The following KLC1 variants were observed in gnomAD, a reference collection of about 807,000 sequenced individuals.
KLC1 encodes kinesin 2 60/70kDa.
Under a neutral mutation model 84.2 loss-of-function variants are expected in KLC1, and 30 were observed. That is an observed-to-expected ratio of 0.36 (90% CI 0.27 to 0.48). The LOEUF (loss-of-function observed/expected upper bound fraction) is 0.48. KLC1 is among the 20% of genes least tolerant of loss of function. The pLI is 0.99. For synonymous variants in KLC1, 289 were observed against 293.3 expected, an observed-to-expected ratio of 0.99 and a Z score of 0.15; for missense variants, 499 against 805.4, an observed-to-expected ratio of 0.62 and a Z score of 4.60.
chr14:103,666,207 G>A (rs2079789909), intron 5 of KLC1, among the ~76,000 whole-genome samples: 1 of 152,116 alleles, frequency 6.6e-6, no homozygotes, highest in South Asian at 2.1e-4. Flanking sequence ...GGGACTACAG[G>A]CGCCTGCCAC....
chr14:103,694,217 C>T lies in KLC1; in HGVS notation c.1848+1792C>T. 1 of 984,762 alleles carries T rather than the reference C, an allele frequency of 1.0e-6. No homozygotes were observed. The highest frequency in any genetic ancestry group is 1.2e-6 in the Non-Finnish European group (1 of 829,836). 61.0% of individuals were successfully genotyped at this position (984,762 alleles called of 1,614,324 possible). A position where few individuals can be genotyped will look rare whatever the true frequency, so the allele number is the denominator to read the frequency against. On this transcript the variant is annotated intron_variant, in intron 15 of 16. Coordinates refer to ENST00000334553, the MANE Select transcript of KLC1 (RefSeq NM_001394837.1). This position sits in a 1 kb window ranked among gnomAD's most constrained non-coding sequence, Gnocchi z 4.5. ...TTGAGCTGTGTTCTCCCGGACGCCC[C>T]TGCACACGAAGCCCATAGAGACGTG...
At position 103,654,645 on chromosome 14, in the gene KLC1, G is replaced by A; in HGVS notation, c.81G>A (p.Lys27=). ...TTACACAGGATGAAATTATTTCTAAGACAAAGCAAGTAATTCAGGGGCTGG... is the reference window on the plus strand; with the variant it reads ...TTACACAGGATGAAATTATTTCTAAAACAAAGCAAGTAATTCAGGGGCTGG... ...EKLTQDEIIS[K]TKQVIQGLEA... is the part of the protein sequence containing the mutation. Residue 27 remains lysine, a synonymous_variant, in exon 2 of 17, where the codon AAG becomes AAA. Coordinates refer to ENST00000334553, the MANE Select transcript of KLC1 (RefSeq NM_001394837.1). The A allele has an allele frequency of 6.2e-7, 1 of 1,614,168 alleles. No individual in the cohort carries two copies. The highest frequency in any genetic ancestry group is 1.1e-5 in the South Asian group (1 of 91,082).
At position 103,694,171 on chromosome 14, in the gene KLC1, C is replaced by T. The variant is rs1317912570; in HGVS notation, c.1848+1746C>T. The T allele has an allele frequency of 3.0e-6, 3 of 985,810 alleles. No individual in the cohort carries two copies. In the East Asian group the frequency reaches 3.4e-4, roughly 112 times the overall value. The allele number at this position is 985,810 out of a possible 1,614,324, so 61.1% of individuals were successfully genotyped here. On this transcript the variant is annotated intron_variant, in intron 15 of 16. Coordinates refer to ENST00000334553, the MANE Select transcript of KLC1 (RefSeq NM_001394837.1). This position sits in a 1 kb window ranked among gnomAD's most constrained non-coding sequence, Gnocchi z 4.5. ...TTTCCAAGGTCCCCATGCCTGTGGC[C>T]CTGGGGCCCCATGCCCCCTTTTGAG...
intron 1 of KLC1, among the ~76,000 whole-genome samples, chr14:103,638,166 C>T (rs530952252): frequency 6.6e-5 from 10 of 152,188 alleles, no homozygotes; most frequent in African/African-American, 1.9e-4. Context: ...GCCCATCTCT[C>T]GGTAAAACAT....
chr14:103,699,205 T>C, intron 15 of KLC1: 1 of 1,551,126 alleles, frequency 6.4e-7, no homozygotes, highest in Non-Finnish European at 8.7e-7. Flanking sequence ...CCAGGTCAGC[T>C]GCAACGGCTG....
At position 103,675,728 on chromosome 14, in the gene KLC1, G is replaced by A. The variant is rs1311059004; in HGVS notation, c.1351G>A (p.Gly451Ser). The change falls in exon 11 of 17, where the codon GGC (glycine) becomes AGC (serine). Residue 451 changes from glycine to serine, a missense_variant. Gly to Ser is a moderately conservative substitution (Grantham distance 56, BLOSUM62 0). Around this residue, in one of 3 missense-constraint regions of KLC1, gnomAD observed 153 missense variants for 332.4 expected, o/e 0.46. Transcript: ENST00000334553. ...TGGGACATCTTTTGGAGAGTATGGC[G>A]GCTGGTACAAAGCCTGCAAAGTTGA... ...KDGTSFGEYG[G>S]WYKACKVDSP... The A allele has an allele frequency of 5.6e-6, 9 of 1,613,704 alleles. No homozygotes were observed. In the East Asian group the frequency reaches 6.7e-5, roughly 12 times the overall value.
chr14:103,665,906 A>G (rs2079747640), intron 5 of KLC1, among the ~76,000 whole-genome samples: 1 of 147,286 alleles, frequency 6.8e-6, no homozygotes, highest in African/African-American at 2.5e-5. Context: ...TGGTGGAGAT[A>G]GAGTATGCAT....
chr14:103,658,656 C>CTTTT lies in KLC1; in HGVS notation c.492+896_492+899dup, dbSNP rs58151718. Among the ~76,000 whole-genome samples, 6 of 107,954 alleles carry CTTTT rather than the reference C, an allele frequency of 5.6e-5. 1 individual carries two copies. The highest frequency in any genetic ancestry group is 2.2e-4 in the Admixed American group (2 of 9,294). The allele number at this position is 107,954 out of a possible 152,430, so 70.8% of individuals were successfully genotyped here. A position where few individuals can be genotyped will look rare whatever the true frequency, so the allele number is the denominator to read the frequency against. On this transcript the variant is annotated intron_variant, in intron 3 of 16. Transcript: ENST00000334553. ...CAACATTTATTTCTGATTCAGTTAA[C>CTTTT]TTTTTTTTTTTTTTTTTTTGAGATG...
intron 1 of KLC1, among the ~76,000 whole-genome samples, chr14:103,640,210 A>C (rs951772829): frequency 7.9e-5 from 12 of 151,702 alleles, no homozygotes; most frequent in African/African-American, 2.9e-4. Flanking sequence ...ACAGGTGTGC[A>C]CCACTATGCC....
chr14:103,693,475 T>C lies in KLC1; in HGVS notation c.1848+1050T>C. 2 of 1,530,856 alleles carry C rather than the reference T, an allele frequency of 1.3e-6. No individual in the cohort carries two copies. The highest frequency in any genetic ancestry group is 1.2e-5 in the South Asian group (1 of 82,722). 94.8% of individuals were successfully genotyped at this position (1,530,856 alleles called of 1,614,324 possible). On this transcript the variant is annotated intron_variant, in intron 15 of 16. Transcript: ENST00000334553. The surrounding 1 kb of genome is among the most constrained non-coding windows in gnomAD (Gnocchi z 5.1). ...GATTTAGCTGTGCAGCTGGTACTGTTAGGCCTGAGGCCATTTGAAGCTGGC... is the reference window on the plus strand; with the variant it reads ...GATTTAGCTGTGCAGCTGGTACTGTCAGGCCTGAGGCCATTTGAAGCTGGC...
In KLC1 at chr14:103,654,837, A is replaced by G. The variant is rs2078709238; in HGVS notation, c.261+12A>G. 6.2e-7 allele frequency: 1 copy of G among 1,610,972 alleles called. No homozygotes were observed. ...TGAGTGAGGCACAGGTACGAGTGAGAATGACTCAGACGTTATCAGGAACTT... is the reference window on the plus strand; with the variant it reads ...TGAGTGAGGCACAGGTACGAGTGAGGATGACTCAGACGTTATCAGGAACTT... On this transcript the variant is annotated intron_variant, in intron 2 of 16. Coordinates refer to ENST00000334553, the MANE Select transcript of KLC1 (RefSeq NM_001394837.1).
At chr14:103,690,998 A>G (rs367590707) in intron 14 of KLC1, among the ~76,000 whole-genome samples, 1 of 152,170 alleles carries the variant, frequency 6.6e-6, no homozygotes, top group East Asian at 1.9e-4. Flanking sequence ...GATAAAAAAT[A>G]TGACAGTATA....
intron 13 of KLC1, chr14:103,685,720 C>T: frequency 2.3e-6 from 3 of 1,289,472 alleles, no homozygotes; most frequent in Non-Finnish European, 1.0e-6. Context: ...CCAGTGCTGC[C>T]CGCTGTGTCT....
At chr14:103,668,966 G>A (rs1290807273) in intron 5 of KLC1, among the ~76,000 whole-genome samples, 2 of 148,430 alleles carry the variant, frequency 1.3e-5, no homozygotes, top group African/African-American at 2.5e-5. Flanking sequence ...TTTTAGTAGC[G>A]ATGGGGTTTC....
intron 15 of KLC1, chr14:103,700,091 G>T: frequency 4.6e-6 from 1 of 219,722 alleles, no homozygotes; most frequent in Non-Finnish European, 9.2e-6. Context: ...TGCCCTTCAG[G>T]CGTTACTCAG....
chr14:103,642,363 G>A (rs549153370), intron 1 of KLC1, among the ~76,000 whole-genome samples: 1 of 152,240 alleles, frequency 6.6e-6, no homozygotes, highest in Admixed American at 6.5e-5. Context: ...GGGGTGGGGG[G>A]CACACATTGA....
chr14:103,699,647 A>C, intron 15 of KLC1: 1 of 1,510,958 alleles, frequency 6.6e-7, no homozygotes, highest in Admixed American at 1.7e-5. Flanking sequence ...CCCCGTTTGG[A>C]CTGTCACTCG....
chr14:103,666,079 T>G (rs148178135), intron 5 of KLC1, among the ~76,000 whole-genome samples: 2 of 152,326 alleles, frequency 1.3e-5, no homozygotes, highest in Non-Finnish European at 2.9e-5. Context: ...CTTTTTGTTT[T>G]TTTTGAGACG....
intron 13 of KLC1, chr14:103,685,511 A>G: frequency 3.1e-6 from 4 of 1,277,738 alleles, no homozygotes; most frequent in Non-Finnish European, 4.1e-6. Context: ...TCCCAGTCCT[A>G]AAGCCACTCA....
Sources: allele counts gnomAD v4.1 joint callset (sites outside exome capture counted in the v4.1 genomes callset), GRCh38; gene constraint gnomAD v4.1.1; regional missense constraint gnomAD v4.1.1; non-coding constraint Gnocchi (gnomAD v3.1); transcripts MANE v1.5; gene names NCBI Gene and HGNC (gene_info 2026-07-23, HGNC 2026-07-21).